Variants in DCLK2 observed in about 807,000 individuals in gnomAD.
DCLK2 encodes serine/threonine-protein kinase DCLK2.
A neutral mutation model predicts 78.4 loss-of-function variants in DCLK2; 31 were observed. That is an observed-to-expected ratio of 0.40 (90% CI 0.30 to 0.53). DCLK2 has a LOEUF of 0.53. DCLK2 is among the 20% of genes least tolerant of loss of function. The pLI, the probability that DCLK2 is intolerant of heterozygous loss-of-function variation, is 0.61. For missense variants in DCLK2, 872 were observed against 973.7 expected (o/e 0.90, Z 1.39); for synonymous variants, 407 against 374.9 (o/e 1.09, Z -0.99).
intron 2 of DCLK2, among the ~76,000 whole-genome samples, chr4:150,121,450 T>A (rs1476963717): frequency 1.3e-5 from 2 of 152,254 alleles, no homozygotes; most frequent in Non-Finnish European, 2.9e-5. Flanking sequence ...TATTGAAGTT[T>A]TATCAAGAGA....
At chr4:150,250,734 C>T (rs1020594552) in intron 15 of DCLK2, among the ~76,000 whole-genome samples, 2 of 151,690 alleles carry the variant, frequency 1.3e-5, no homozygotes, top group Non-Finnish European at 2.9e-5. Flanking sequence ...CTCCTTGTTT[C>T]CTACCCAACT....
intron 4 of DCLK2, among the ~76,000 whole-genome samples, chr4:150,201,260 G>A (rs1739428736): frequency 1.3e-5 from 2 of 152,150 alleles, no homozygotes; most frequent in Admixed American, 6.5e-5. Context: ...AAAATCCAGG[G>A]GTGTAGCAGA....
chr4:150,196,493 T>C (rs764807883), intron 3 of DCLK2, among the ~76,000 whole-genome samples: 2 of 152,228 alleles, frequency 1.3e-5, no homozygotes, highest in Non-Finnish European at 1.5e-5. Context: ...GTTAGTGTAC[T>C]TCACTTGTCA....
Position 150,256,313 on chromosome 4 carries a change from C to T in DCLK2, c.*66C>T, listed in dbSNP as rs1744566051. ...AAGCCAGCCCTCTGCTCGGCCTCGC[C>T]GGCCTCCCTGCTGCAGGCCTCCCTC... On this transcript the variant is annotated 3_prime_UTR_variant, in exon 16 of 16. Coordinates refer to ENST00000296550, the MANE Select transcript of DCLK2 (RefSeq NM_001040260.4). 6.2e-6 allele frequency: 9 copies of T among 1,443,212 alleles called. No individual in the cohort carries two copies. The Admixed American group carries it at 1.1e-4, about 18-fold the overall frequency. 89.4% of individuals were successfully genotyped at this position (1,443,212 alleles called of 1,614,324 possible).
At chr4:150,232,539 C>A in intron 9 of DCLK2, 83 bp downstream of exon 9, 1 of 1,551,558 alleles carries the variant, frequency 6.4e-7, no homozygotes, top group Admixed American at 1.8e-5. Flanking sequence ...AAGTGTATTG[C>A]TACCTCATAA....
intron 2 of DCLK2, among the ~76,000 whole-genome samples, chr4:150,108,753 TA>T (rs1237887568): frequency 6.6e-6 from 1 of 151,310 alleles, no homozygotes; most frequent in Non-Finnish European, 1.5e-5. Context: ...TCCACATGTG[TA>T]AAAAAAAATT....
intron 2 of DCLK2, among the ~76,000 whole-genome samples, chr4:150,117,127 C>T (rs575227981): frequency 4.1e-4 from 62 of 152,228 alleles, no homozygotes; most frequent in African/African-American, 1.4e-3. Context: ...CAAGCAGTGG[C>T]CCCAGTGGGG....
chr4:150,132,088 G>A (rs1193340606), intron 2 of DCLK2, among the ~76,000 whole-genome samples: 1 of 151,724 alleles, frequency 6.6e-6, no homozygotes, highest in Non-Finnish European at 1.5e-5. Flanking sequence ...TTGAGGTCTT[G>A]TGAGGCATAG....
intron 1 of DCLK2, among the ~76,000 whole-genome samples, chr4:150,099,308 T>C (rs1335318983): frequency 6.6e-6 from 1 of 150,904 alleles, no homozygotes; most frequent in Non-Finnish European, 1.5e-5. Context: ...ATCCTCCCTC[T>C]TCGGCCTCCC....
intron 1 of DCLK2, 151 bp downstream of exon 1, chr4:150,079,599 G>T: frequency 2.6e-6 from 2 of 783,512 alleles, no homozygotes; most frequent in Non-Finnish European, 1.9e-6. Flanking sequence ...GGCTGGGGGT[G>T]GGGGCCGGTG....
At chr4:150,210,548 A>G (rs1245951825) in intron 5 of DCLK2, among the ~76,000 whole-genome samples, 1 of 152,188 alleles carries the variant, frequency 6.6e-6, no homozygotes, top group African/African-American at 2.4e-5. Flanking sequence ...CTGAGGCAGG[A>G]GAATTGCTTG....
In DCLK2 at chr4:150,102,721, A is replaced by T. The variant is rs765521450; in HGVS notation, c.665A>T (p.His222Leu). 5 of 1,614,174 alleles carry T rather than the reference A, an allele frequency of 3.1e-6. No individual in the cohort carries two copies. The highest frequency in any genetic ancestry group is 4.2e-6 in the Non-Finnish European group (5 of 1,180,024). Reference sequence around the variant, plus strand: ...ATCCTTCTGAATAAAAAGACTGCTCATTCCTTTGAACAAGTCTTAACAGAT... The same window carrying T: ...ATCCTTCTGAATAAAAAGACTGCTCTTTCCTTTGAACAAGTCTTAACAGAT... Reference protein sequence around the residue: ...VRILLNKKTAHSFEQVLTDIT... With the variant: ...VRILLNKKTALSFEQVLTDIT... Residue 222 changes from histidine to leucine, a missense_variant, in exon 2 of 16, where the codon CAT (histidine) becomes CTT (leucine). Physicochemically the swap from His to Leu is moderately conservative, Grantham distance 99. Around this residue, in one of 3 missense-constraint regions of DCLK2, gnomAD observed 567 missense variants for 593.4 expected, o/e 0.96. Coordinates refer to ENST00000296550, the MANE Select transcript of DCLK2 (RefSeq NM_001040260.4).
At position 150,216,656 on chromosome 4, in the gene DCLK2, G is replaced by A. The variant is rs1255811383; in HGVS notation, c.1057-4047G>A. ...TCCGTCTCAAAAAAAAAAGTTATTAGCAGAAGAGGATTCTTGCACATTTCC... is the reference window on the plus strand; with the variant it reads ...TCCGTCTCAAAAAAAAAAGTTATTAACAGAAGAGGATTCTTGCACATTTCC... On this transcript the variant is annotated intron_variant, in intron 5 of 15. Transcript: ENST00000296550. Among the ~76,000 whole-genome samples the A allele has an allele frequency of 2.6e-5, 4 of 152,050 alleles. No homozygotes were observed. The East Asian group carries it at 5.8e-4, about 22-fold the overall frequency.
intron 10 of DCLK2, among the ~76,000 whole-genome samples, chr4:150,234,998 G>A (rs1560896123): frequency 6.6e-6 from 1 of 152,184 alleles, no homozygotes; most frequent in Non-Finnish European, 1.5e-5. Context: ...AAACACTGGG[G>A]CATTCATAAG....
chr4:150,203,638 A>C (rs1426960356), intron 4 of DCLK2, among the ~76,000 whole-genome samples, 157 bp from the exon 5 acceptor site: 4 of 147,272 alleles, frequency 2.7e-5, no homozygotes, highest in African/African-American at 1.0e-4. Flanking sequence ...AGTAAGATAC[A>C]TTATTTTTGC....
chr4:150,203,825 C>G lies in DCLK2; in HGVS notation c.992C>G (p.Thr331Ser), dbSNP rs770944617. 1 of 1,613,974 alleles carries G rather than the reference C, an allele frequency of 6.2e-7. No homozygotes were observed. Among genetic ancestry groups the G allele is most frequent in the Admixed American group, 1.7e-5 (1 of 60,012 alleles). The change falls in exon 5 of 16, where the codon ACT (threonine) becomes AGT (serine). Residue 331 changes from threonine (T) to serine (S), a missense_variant. Physicochemically the swap from Thr to Ser is moderately conservative, Grantham distance 58. Around this residue, in one of 3 missense-constraint regions of DCLK2, gnomAD observed 567 missense variants for 593.4 expected, o/e 0.96. Transcript: ENST00000296550. ...VNGTPSSQLSTPKSTKSSSSS... is the reference protein window; with the variant it reads ...VNGTPSSQLSSPKSTKSSSSS... ...GGAACTCCCAGCAGCCAACTTTCTA[C>G]TCCTAAATCTACGAAATCCTCCAGT...
At chr4:150,249,992 G>GAGT (rs1477195486) in intron 15 of DCLK2, among the ~76,000 whole-genome samples, 1 of 152,124 alleles carries the variant, frequency 6.6e-6, no homozygotes, top group Admixed American at 6.5e-5. Flanking sequence ...AGACTCCCAA[G>GAGT]CCCTGGAGGG....
At position 150,256,397 on chromosome 4, in the gene DCLK2, C is replaced by A; in HGVS notation, c.*150C>A. ...CCGCAGGCCGCCTGGGAACCGGAGC[C>A]TGGCGTGCCGGAGCCTGGCCTGGTG... is the stretch of plus-strand genomic sequence containing the variant. On this transcript the variant is annotated 3_prime_UTR_variant, in exon 16 of 16. Coordinates refer to ENST00000296550, the MANE Select transcript of DCLK2 (RefSeq NM_001040260.4). 1 of 1,119,356 alleles carries A rather than the reference C, an allele frequency of 8.9e-7. No individual in the cohort carries two copies. The highest frequency in any genetic ancestry group is 1.2e-6 in the Non-Finnish European group (1 of 818,026). The allele number at this position is 1,119,356 out of a possible 1,614,324, so 69.3% of individuals were successfully genotyped here. A position where few individuals can be genotyped will look rare whatever the true frequency, so the allele number is the denominator to read the frequency against.
chr4:150,184,013 C>T lies in DCLK2; in HGVS notation c.757-9125C>T, dbSNP rs1055587912. ...CCTCCCTAAGTGCTGGGATTACAGG[C>T]GTGAGCCACCACACCCAGCCTCAAG... On this transcript the variant is annotated intron_variant, in intron 2 of 15. Transcript: ENST00000296550. 4.6e-5 allele frequency among the ~76,000 whole-genome samples: 7 copies of T among 152,250 alleles called. No homozygotes were observed. The South Asian group carries it at 1.2e-3, about 27-fold the overall frequency.
Sources: allele counts gnomAD v4.1 joint callset (sites outside exome capture counted in the v4.1 genomes callset), GRCh38; gene constraint gnomAD v4.1.1; regional missense constraint gnomAD v4.1.1; transcripts MANE v1.5; gene names NCBI Gene and HGNC (gene_info 2026-07-23, HGNC 2026-07-21).